SYN3: variants seen among roughly 807,000 people sequenced by gnomAD.
SYN3 encodes the protein synapsin-3.
In SYN3, 35 loss-of-function variants were observed where a neutral mutation model predicts 65.8. The ratio of observed to expected loss-of-function variants is 0.53; its 90% CI spans 0.41 to 0.70. The LOEUF is 0.70. SYN3 is among the 30% of genes least tolerant of loss of function. The pLI is 0.00. For missense variants in SYN3, 680 were observed against 749.0 expected (o/e 0.91, Z 1.08); for synonymous variants, 270 against 292.9 (o/e 0.92, Z 0.80).
At chr22:32,905,512 T>A (rs572042647) in intron 4 of SYN3, among the ~76,000 whole-genome samples, 1 of 152,352 alleles carries the variant, frequency 6.6e-6, no homozygotes, top group East Asian at 1.9e-4. Flanking sequence ...ACAGTTACGC[T>A]CTGAGCACTT....
intron 6 of SYN3, among the ~76,000 whole-genome samples, chr22:32,831,329 C>G (rs2047567475): frequency 6.6e-6 from 1 of 152,108 alleles, no homozygotes; most frequent in Non-Finnish European, 1.5e-5. Flanking sequence ...TGAAGGGACC[C>G]AGAGAAGAGG....
intron 6 of SYN3, among the ~76,000 whole-genome samples, chr22:32,821,884 A>ACTTCT (rs1227721626): frequency 1.3e-5 from 2 of 152,290 alleles, no homozygotes; most frequent in African/African-American, 4.8e-5. Flanking sequence ...GGCCGAGCGC[A>ACTTCT]GTGGCTCACG....
At chr22:32,872,816 G>C (rs1031592283) in intron 4 of SYN3, among the ~76,000 whole-genome samples, 1 of 152,104 alleles carries the variant, frequency 6.6e-6, no homozygotes. Flanking sequence ...AGTAGTTACC[G>C]AGCCTCGACA....
intron 1 of SYN3, among the ~76,000 whole-genome samples, chr22:33,009,751 A>AACACACAC (rs58156623): frequency 0.028 from 3,991 of 141,156 alleles, 61 homozygotes; most frequent in Non-Finnish European, 0.037. Flanking sequence ...TACGTATCTA[A>AACACACAC]ACACACACAC....
intron 9 of SYN3, 32 bp from the exon 10 acceptor site, chr22:32,533,927 G>T: frequency 1.3e-6 from 2 of 1,524,668 alleles, no homozygotes; most frequent in South Asian, 1.1e-5. Context: ...CAGTGAAGTG[G>T]CCTGGGAAAG....
chr22:33,011,497 T>G (rs2053349645), intron 1 of SYN3, among the ~76,000 whole-genome samples: 1 of 152,202 alleles, frequency 6.6e-6, no homozygotes, highest in African/African-American at 2.4e-5. Flanking sequence ...TATTTTTGTG[T>G]CTATGTTCAT....
At chr22:32,770,981 G>T (rs1602106936) in intron 6 of SYN3, among the ~76,000 whole-genome samples, 1 of 151,610 alleles carries the variant, frequency 6.6e-6, no homozygotes, top group South Asian at 2.1e-4. Flanking sequence ...ATGGTGGTTT[G>T]CTGCACCCAT....
chr22:32,512,810 C>T lies in SYN3; in HGVS notation c.*882G>A, dbSNP rs2057706823. 1 of 152,140 alleles carries T rather than the reference C, an allele frequency of 6.6e-6. No homozygotes were observed. The highest frequency in any genetic ancestry group is 2.1e-4 in the South Asian group (1 of 4,826). The allele number at this position is 152,140 out of a possible 1,614,324, so 9.4% of individuals were successfully genotyped here. On this transcript the variant is annotated 3_prime_UTR_variant, in exon 14 of 14. Transcript: ENST00000358763. ...TGATTCTCTCTGGTTCCCAACAGAT[C>T]CATAAAAAGGAAACGGCATTCCTGG...
chr22:32,761,773 C>T (rs926741121), intron 6 of SYN3, among the ~76,000 whole-genome samples: 10 of 152,204 alleles, frequency 6.6e-5, no homozygotes, highest in African/African-American at 2.2e-4. Flanking sequence ...AGTGATTCAG[C>T]GAAACAACCT....
chr22:32,513,491 ACAGT>A lies in SYN3; in HGVS notation c.*197_*200del. ...CTGGAGGCTCTCAAAGGCCCACCTC[ACAGT>A]CAGACAATGCTGGAATGTCACGGTG... On this transcript the variant is annotated 3_prime_UTR_variant, in exon 14 of 14. Coordinates refer to ENST00000358763, the MANE Select transcript of SYN3 (RefSeq NM_003490.4). 2 of 665,174 alleles carry A rather than the reference ACAGT, an allele frequency of 3.0e-6. No homozygotes were observed. Among genetic ancestry groups the A allele is most frequent in the East Asian group, 3.1e-5 (1 of 32,378 alleles). The allele number at this position is 665,174 out of a possible 1,614,324, so 41.2% of individuals were successfully genotyped here.
chr22:32,551,915 A>T (rs1257112674), intron 7 of SYN3, among the ~76,000 whole-genome samples: 1 of 152,234 alleles, frequency 6.6e-6, no homozygotes, highest in Non-Finnish European at 1.5e-5. Context: ...AAAATGTGCT[A>T]CAATTATACA....
intron 7 of SYN3, among the ~76,000 whole-genome samples, chr22:32,562,149 T>C (rs2058595381): frequency 6.6e-6 from 1 of 152,194 alleles, no homozygotes; most frequent in South Asian, 2.1e-4. Context: ...CCCCCAATAC[T>C]TAATTCTGAA....
intron 4 of SYN3, among the ~76,000 whole-genome samples, chr22:32,930,511 C>T (rs969904972): frequency 3.4e-4 from 51 of 152,128 alleles, no homozygotes; most frequent in Non-Finnish European, 1.2e-4. Flanking sequence ...CAAACATGCA[C>T]CTTTTTTTTT....
intron 6 of SYN3, among the ~76,000 whole-genome samples, chr22:32,644,073 CAAAAAAAAAAAAA>C (rs1175308291): frequency 7.7e-4 from 3 of 3,912 alleles, no homozygotes; most frequent in Middle Eastern, 0.25. Context: ...GACTCTGCCT[CAAAAAAAAAAAAA>C]AAAAAAAAAA....
intron 6 of SYN3, among the ~76,000 whole-genome samples, chr22:32,745,723 T>G (rs911003285): frequency 1.3e-5 from 2 of 151,046 alleles, no homozygotes; most frequent in South Asian, 2.1e-4. Flanking sequence ...TACACCCAGA[T>G]AGAGAGCAGA....
chr22:32,607,936 G>T (rs987620795), intron 6 of SYN3, among the ~76,000 whole-genome samples: 6 of 152,166 alleles, frequency 3.9e-5, no homozygotes, highest in African/African-American at 1.4e-4. Context: ...GAGCCACATG[G>T]ATACACGCAG....
chr22:32,772,058 C>T (rs1188942859), intron 6 of SYN3, among the ~76,000 whole-genome samples: 1 of 151,982 alleles, frequency 6.6e-6, no homozygotes, highest in Admixed American at 6.6e-5. Flanking sequence ...TGGGGCAAAA[C>T]CCTCCTAGGA....
At chr22:32,818,692 C>A (rs1601439109) in intron 6 of SYN3, among the ~76,000 whole-genome samples, 1 of 152,172 alleles carries the variant, frequency 6.6e-6, no homozygotes, top group African/African-American at 2.4e-5. Context: ...CCAGCTCTTG[C>A]ACCATTAACT....
chr22:32,653,343 C>T (rs1275610221), intron 6 of SYN3, among the ~76,000 whole-genome samples: 3 of 151,848 alleles, frequency 2.0e-5, no homozygotes, highest in Non-Finnish European at 4.4e-5. Flanking sequence ...AAAATCACGG[C>T]TAAAATATCC....
Sources: allele counts gnomAD v4.1 joint callset (sites outside exome capture counted in the v4.1 genomes callset), GRCh38; gene constraint gnomAD v4.1.1; transcripts MANE v1.5; gene names NCBI Gene and HGNC (gene_info 2026-07-23, HGNC 2026-07-21).